Variants in PRELID2 observed in about 807,000 individuals in gnomAD.
The protein encoded by PRELID2 is PRELI domain containing 2.
In PRELID2, 25 loss-of-function variants were observed where a neutral mutation model predicts 28.4. The observed-to-expected ratio is 0.88, with a 90% CI of 0.64 to 1.23. The LOEUF is 1.23. Ranked by LOEUF, PRELID2 falls within the 50% of genes most tolerant of loss-of-function variation. PRELID2 has a pLI of 0.00. For synonymous variants in PRELID2, 76 were observed against 71.6 expected, an observed-to-expected ratio of 1.06 and a Z score of -0.31; for missense variants, 201 against 214.4, an observed-to-expected ratio of 0.94 and a Z score of 0.39.
At chr5:145,293,488 A>G in the PRELID2 span, among the ~76,000 whole-genome samples, 1 of 152,172 alleles carries the variant, frequency 6.6e-6, no homozygotes, top group Non-Finnish European at 1.5e-5. Flanking sequence ...CTTGCTCACA[A>G]GTATAGCTAA....
intron 4 of PRELID2, among the ~76,000 whole-genome samples, chr5:145,816,323 C>T (rs964616573): frequency 2.6e-5 from 4 of 151,950 alleles, no homozygotes; most frequent in Admixed American, 2.6e-4. Flanking sequence ...CTCAAGTGAT[C>T]ACCCCGCCTT....
At chr5:145,801,649 A>T (rs1228112326) in intron 4 of PRELID2, among the ~76,000 whole-genome samples, 1 of 152,190 alleles carries the variant, frequency 6.6e-6, no homozygotes, top group African/African-American at 2.4e-5. Context: ...TGGCAAAGAG[A>T]TGTTAAATAA....
intron 5 of PRELID2, chr5:145,795,161 A>G (rs980639962): frequency 6.6e-6 from 1 of 152,174 alleles, no homozygotes; most frequent in Non-Finnish European, 1.5e-5. Flanking sequence ...AAACATGGCA[A>G]TGAAATTACT....
chr5:145,542,800 T>TC (rs1752755537), intron 1 of PRELID2, among the ~76,000 whole-genome samples: 1 of 152,070 alleles, frequency 6.6e-6, no homozygotes, highest in African/African-American at 2.4e-5. Flanking sequence ...TTTTTCTCTT[T>TC]TCTTTTACTT....
the PRELID2 span, among the ~76,000 whole-genome samples, chr5:145,421,570 G>A: frequency 2.3e-4 from 32 of 141,814 alleles, no homozygotes; most frequent in African/African-American, 6.4e-4. Flanking sequence ...CTGTGGGATC[G>A]GTGGTGATAT....
At chr5:145,245,588 G>T in the PRELID2 span, among the ~76,000 whole-genome samples, 4 of 152,066 alleles carry the variant, frequency 2.6e-5, no homozygotes, top group Non-Finnish European at 5.9e-5. Flanking sequence ...GAAAAAGAAT[G>T]AATGACAAGG....
At chr5:145,754,988 T>C (rs1015507242), downstream of PRELID2, among the ~76,000 whole-genome samples, 3 of 152,164 alleles carry the variant, frequency 2.0e-5, no homozygotes, top group African/African-American at 7.2e-5. Context: ...TAAAAATCAT[T>C]GCACCCAGAT....
chr5:145,492,074 T>C (rs1752274571), intron 1 of PRELID2, among the ~76,000 whole-genome samples: 1 of 152,190 alleles, frequency 6.6e-6, no homozygotes, highest in African/African-American at 2.4e-5. Flanking sequence ...TGCTGGATCT[T>C]ATAGTAGTTC....
chr5:145,540,548 C>T (rs1752737309), intron 1 of PRELID2, among the ~76,000 whole-genome samples: 1 of 151,610 alleles, frequency 6.6e-6, no homozygotes, highest in Non-Finnish European at 1.5e-5. Context: ...GTACGAGTAA[C>T]CAAAACTCTA....
At chr5:145,352,187 C>T in the PRELID2 span, among the ~76,000 whole-genome samples, 4 of 152,168 alleles carry the variant, frequency 2.6e-5, no homozygotes, top group African/African-American at 2.4e-5. Flanking sequence ...GGTCCAACTC[C>T]ACCTTTCCCT....
chr5:145,771,398 G>C (rs189631438), intron 5 of PRELID2, among the ~76,000 whole-genome samples: 2 of 152,090 alleles, frequency 1.3e-5, no homozygotes, highest in East Asian at 3.9e-4. Flanking sequence ...CTTTTGCTAA[G>C]TGACTGTATA....
intron 5 of PRELID2, among the ~76,000 whole-genome samples, chr5:145,771,594 C>T (rs989410534): frequency 5.5e-4 from 84 of 151,720 alleles, no homozygotes; most frequent in African/African-American, 1.9e-3. Flanking sequence ...GTGGCTCACG[C>T]CTGTAATCCC....
chr5:145,745,865 A>AAAAAAAATGT (rs200079939), intron 1 of PRELID2, among the ~76,000 whole-genome samples: 1 of 19,918 alleles, frequency 5.0e-5, no homozygotes, highest in Admixed American at 6.1e-4. Flanking sequence ...TTCATCTCAA[A>AAAAAAAATGT]AAAAAAAATG....
chr5:145,409,262 C>G, the PRELID2 span, among the ~76,000 whole-genome samples: 1 of 152,054 alleles, frequency 6.6e-6, no homozygotes, highest in African/African-American at 2.4e-5. Context: ...CAAAATAGAA[C>G]CTCCTTAAAG....
At chr5:145,658,257 C>T (rs897634547) in intron 1 of PRELID2, among the ~76,000 whole-genome samples, 4 of 152,236 alleles carry the variant, frequency 2.6e-5, no homozygotes, top group Non-Finnish European at 4.4e-5. Flanking sequence ...TAAGGCAGAT[C>T]GAAAATGTGG....
At chr5:145,433,396 G>T in the PRELID2 span, among the ~76,000 whole-genome samples, 4 of 152,110 alleles carry the variant, frequency 2.6e-5, no homozygotes, top group African/African-American at 7.2e-5. Context: ...GGGCCTTGTA[G>T]ATTGTATTTC....
chr5:145,528,427 A>C (rs951709986), intron 1 of PRELID2, among the ~76,000 whole-genome samples: 2 of 152,108 alleles, frequency 1.3e-5, no homozygotes, highest in Admixed American at 6.6e-5. Flanking sequence ...GACAGGCCCA[A>C]CTTTATAAAG....
At chr5:145,313,567 G>A in the PRELID2 span, among the ~76,000 whole-genome samples, 2 of 152,132 alleles carry the variant, frequency 1.3e-5, no homozygotes, top group Admixed American at 1.3e-4. Context: ...CAATGAAAAT[G>A]GCTACTGTGG....
chr5:145,638,760 T>C (rs551605669), intron 1 of PRELID2, among the ~76,000 whole-genome samples: 91 of 152,374 alleles, frequency 6.0e-4, no homozygotes, highest in Non-Finnish European at 1.2e-3. Context: ...ATATGATCTC[T>C]GGCATCATCA....
Sources: gnomAD v4.1 joint callset for allele counts (sites outside exome capture counted in the v4.1 genomes callset) on GRCh38, gnomAD v4.1.1 for gene constraint, MANE v1.5 for transcripts, NCBI Gene and HGNC (gene_info 2026-07-23, HGNC 2026-07-21) for gene names.